Variants in CD48 observed in about 807,000 individuals in gnomAD.
The protein encoded by CD48 is CD48 molecule, also known as CD48 antigen.
CD48 carries 20 observed loss-of-function variants against 22.0 expected under a neutral mutation model. The observed-to-expected ratio is 0.91, with a 90% CI of 0.64 to 1.32. The LOEUF is 1.32. Ranked by LOEUF, CD48 falls within the 40% of genes most tolerant of loss-of-function variation. CD48 has a pLI of 0.00. For missense variants in CD48, 307 were observed against 286.5 expected (o/e 1.07, Z -0.52); for synonymous variants, 110 against 110.1 (o/e 1.00, Z 0.01).
rs535875487 is a variant in CD48 at position 160,686,108 on chromosome 1, T to C, written c.83-919A>G. Among the ~76,000 whole-genome samples the C allele has an allele frequency of 2.6e-5, 4 of 152,188 alleles. No homozygotes were observed. The South Asian group carries it at 8.3e-4, about 32-fold the overall frequency. ...ATAGGTCAGATAATTTCTTTATAGC[T>C]ATTTTTTTTTTACAGAGAAAGGCTC... On this transcript the variant is annotated intron_variant, in intron 1 of 3. Coordinates refer to ENST00000368046, the MANE Select transcript of CD48 (RefSeq NM_001778.4).
chr1:160,706,906 C>T (rs752583342), intron 1 of CD48, among the ~76,000 whole-genome samples: 1 of 152,132 alleles, frequency 6.6e-6, no homozygotes, highest in African/African-American at 2.4e-5. Flanking sequence ...TAAAACAAGA[C>T]ACATGGTTGG....
At chr1:160,688,618 T>C (rs983798977) in intron 1 of CD48, among the ~76,000 whole-genome samples, 5 of 152,168 alleles carry the variant, frequency 3.3e-5, no homozygotes, top group African/African-American at 1.2e-4. Flanking sequence ...GGGACAGTAG[T>C]GGGAACAACA....
chr1:160,710,436 A>G (rs1662913610), intron 1 of CD48, among the ~76,000 whole-genome samples: 1 of 152,190 alleles, frequency 6.6e-6, no homozygotes, highest in South Asian at 2.1e-4. Flanking sequence ...CATCAAAACC[A>G]ATATTATCCA....
At chr1:160,696,308 C>T (rs552352848) in intron 1 of CD48, among the ~76,000 whole-genome samples, 36 of 152,370 alleles carry the variant, frequency 2.4e-4, no homozygotes, top group Non-Finnish European at 3.8e-4. Context: ...GATGTTGAGA[C>T]AGCTCTAATT....
chr1:160,708,841 T>C (rs995144442), intron 1 of CD48, among the ~76,000 whole-genome samples: 2 of 152,130 alleles, frequency 1.3e-5, no homozygotes, highest in Non-Finnish European at 2.9e-5. Flanking sequence ...ATGAATGGAA[T>C]ACACCGGAAG....
At chr1:160,702,221 G>A (rs897315580) in intron 1 of CD48, among the ~76,000 whole-genome samples, 3 of 152,134 alleles carry the variant, frequency 2.0e-5, no homozygotes, top group Non-Finnish European at 4.4e-5. Context: ...CCCCCGTGGG[G>A]ACAATCAAAG....
chr1:160,698,365 AG>A (rs1314472085), intron 1 of CD48, among the ~76,000 whole-genome samples: 1 of 152,174 alleles, frequency 6.6e-6, no homozygotes, highest in East Asian at 1.9e-4. Flanking sequence ...AAATATTAAA[AG>A]GCATTTTAAA....
At chr1:160,687,485 T>C (rs1246193222) in intron 1 of CD48, among the ~76,000 whole-genome samples, 1 of 152,210 alleles carries the variant, frequency 6.6e-6, no homozygotes, top group Non-Finnish European at 1.5e-5. Context: ...TGTTTAGAGA[T>C]TGCAGTAAAG....
intron 1 of CD48, among the ~76,000 whole-genome samples, chr1:160,709,323 G>A (rs12742112): frequency 0.017 from 2,601 of 152,194 alleles, 35 homozygotes; most frequent in South Asian, 0.054. Context: ...ATCGGATTCC[G>A]CATGTGTCAC....
intron 3 of CD48, among the ~76,000 whole-genome samples, chr1:160,679,884 G>A (rs1160054475): frequency 6.6e-6 from 1 of 152,216 alleles, no homozygotes; most frequent in Non-Finnish European, 1.5e-5. Context: ...TGAGGGTGGT[G>A]TTGGAACCAC....
chr1:160,691,502 G>T (rs950504467), intron 1 of CD48, among the ~76,000 whole-genome samples: 3 of 152,120 alleles, frequency 2.0e-5, no homozygotes, highest in Non-Finnish European at 4.4e-5. Flanking sequence ...TCACGTGTTT[G>T]TCTGCTCACC....
chr1:160,697,899 A>G (rs1045347609), intron 1 of CD48, among the ~76,000 whole-genome samples: 2 of 152,204 alleles, frequency 1.3e-5, no homozygotes, highest in African/African-American at 4.8e-5. Flanking sequence ...CTAGACAAAC[A>G]TAAGCATAAA....
chr1:160,702,726 G>T (rs1217433987), intron 1 of CD48, among the ~76,000 whole-genome samples: 3 of 152,152 alleles, frequency 2.0e-5, no homozygotes, highest in Non-Finnish European at 4.4e-5. Context: ...TGTCCTTCAT[G>T]GCCGGTGCCC....
intron 1 of CD48, among the ~76,000 whole-genome samples, chr1:160,687,660 C>T (rs1026993686): frequency 6.6e-6 from 1 of 152,148 alleles, no homozygotes; most frequent in African/African-American, 2.4e-5. Context: ...TGTGCCATGG[C>T]AATGAAGGCT....
At chr1:160,710,986 G>A (rs1662929197) in intron 1 of CD48, among the ~76,000 whole-genome samples, 1 of 152,196 alleles carries the variant, frequency 6.6e-6, no homozygotes, top group South Asian at 2.1e-4. Context: ...AAGAAGAGAG[G>A]TACTGGATGA....
chr1:160,681,866 G>C (rs752463556), intron 2 of CD48, among the ~76,000 whole-genome samples: 11 of 152,184 alleles, frequency 7.2e-5, no homozygotes, highest in Non-Finnish European at 1.0e-4. Flanking sequence ...ACCTTGGCTG[G>C]TCTGTCTTTC....
chr1:160,698,240 TCAA>T (rs951270896), intron 1 of CD48, among the ~76,000 whole-genome samples: 2 of 152,170 alleles, frequency 1.3e-5, no homozygotes, highest in Non-Finnish European at 2.9e-5. Flanking sequence ...TTGCATTGAT[TCAA>T]CTTTTAATTG....
At chr1:160,708,846 C>T (rs918290206) in intron 1 of CD48, among the ~76,000 whole-genome samples, 6 of 152,060 alleles carry the variant, frequency 3.9e-5, no homozygotes, top group Non-Finnish European at 7.4e-5. Context: ...TGGAATACAC[C>T]GGAAGTGTGA....
intron 1 of CD48, among the ~76,000 whole-genome samples, chr1:160,690,386 A>T (rs778809844): frequency 6.6e-6 from 1 of 152,252 alleles, no homozygotes; most frequent in Non-Finnish European, 1.5e-5. Context: ...GCCATCAAGC[A>T]TTAGGAGTTA....
Sources: allele counts gnomAD v4.1 joint callset (sites outside exome capture counted in the v4.1 genomes callset), GRCh38; gene constraint gnomAD v4.1.1; transcripts MANE v1.5; gene names NCBI Gene and HGNC (gene_info 2026-07-23, HGNC 2026-07-21).